SNX7: variants seen among roughly 807,000 people sequenced by gnomAD.
SNX7 encodes sorting nexin-7.
Under a neutral mutation model 48.4 loss-of-function variants are expected in SNX7, and 35 were observed. That is an observed-to-expected ratio of 0.72 (90% CI 0.55 to 0.96). The LOEUF is 0.96. Ranked by LOEUF, SNX7 falls within the 40% of genes least tolerant of loss-of-function variation. The pLI, the probability that SNX7 is intolerant of heterozygous loss-of-function variation, is 0.00. For synonymous variants in SNX7, 190 were observed against 190.2 expected (o/e 1.00, Z 0.01); for missense variants, 553 against 548.9 (o/e 1.01, Z -0.07).
At chr1:98,703,574 T>C (rs904548460) in intron 7 of SNX7, among the ~76,000 whole-genome samples, 1 of 152,046 alleles carries the variant, frequency 6.6e-6, no homozygotes, top group African/African-American at 2.4e-5. Flanking sequence ...AACTCATCTT[T>C]ATTATTTAGA....
chr1:98,678,058 T>C (rs1431642351), intron 1 of SNX7, among the ~76,000 whole-genome samples: 1 of 151,708 alleles, frequency 6.6e-6, no homozygotes, highest in Non-Finnish European at 1.5e-5. Context: ...AAGAAATACC[T>C]GAGGCTGGGT....
Position 98,695,612 on chromosome 1 carries a change from A to C in SNX7, c.734A>C (p.Asn245Thr). Residue 245 changes from asparagine (N) to threonine (T), a missense_variant, in exon 5 of 9, where the codon AAC becomes ACC. By Grantham distance (65) the Asn-to-Thr change is moderately conservative (BLOSUM62 0). Transcript: ENST00000306121. ...GCGTCCTCAATGAGAGGAGTTAAAA[A>C]CCGCCCAGAGGAGTTCATGGAAATG... is the stretch of plus-strand genomic sequence containing the variant. ...AVASSMRGVKNRPEEFMEMNN... is the reference protein window; with the variant it reads ...AVASSMRGVKTRPEEFMEMNN... 1 of 1,614,104 alleles carries C rather than the reference A, an allele frequency of 6.2e-7. No individual in the cohort carries two copies. The highest frequency in any genetic ancestry group is 8.5e-7 in the Non-Finnish European group (1 of 1,180,010).
chr1:98,711,992 A>T (rs943323865), intron 7 of SNX7, among the ~76,000 whole-genome samples: 2 of 152,204 alleles, frequency 1.3e-5, no homozygotes, highest in African/African-American at 4.8e-5. Context: ...TTCTTTGCTC[A>T]TCCATAAGAA....
At position 98,748,637 on chromosome 1, in the gene SNX7, A is replaced by AACACACACACACACACAC. The variant is rs58973289; in HGVS notation, c.1278+10267_1278+10284dup. Among the ~76,000 whole-genome samples the AACACACACACACACACAC allele has an allele frequency of 9.6e-5, 14 of 145,896 alleles. No individual in the cohort carries two copies. The East Asian group carries it at 1.6e-3, about 17-fold the overall frequency. ...GTATAGAAAAGGAAGAAATGATTTAAACACACACACACACACACACACACA... is the reference window on the plus strand; with the variant it reads ...GTATAGAAAAGGAAGAAATGATTTAAACACACACACACACACACACACACACACACACACACACACACA... On this transcript the variant is annotated intron_variant, in intron 8 of 8. Transcript: ENST00000306121.
At chr1:98,724,767 G>A (rs9730388) in intron 7 of SNX7, among the ~76,000 whole-genome samples, 43,823 of 152,008 alleles carry the variant, frequency 0.29, 6,833 homozygotes, top group Non-Finnish European at 0.34. Context: ...ATAAATTGCA[G>A]TGATTTAAAA....
intron 1 of SNX7, chr1:98,662,897 A>T: frequency 8.2e-7 from 1 of 1,219,390 alleles, no homozygotes. Flanking sequence ...GCATACTCTG[A>T]CTCCAAAGAG....
intron 8 of SNX7, among the ~76,000 whole-genome samples, chr1:98,752,540 C>A (rs1006072505): frequency 6.6e-6 from 1 of 151,928 alleles, no homozygotes. Context: ...GAATGGGGAT[C>A]GGGCTCTTAG....
chr1:98,674,351 T>C (rs1042191745), intron 1 of SNX7, among the ~76,000 whole-genome samples: 3 of 151,958 alleles, frequency 2.0e-5, no homozygotes, highest in African/African-American at 7.3e-5. Context: ...GTCAGCAGAG[T>C]TGGTTCCTTC....
chr1:98,716,157 C>G (rs1266958137), intron 7 of SNX7, among the ~76,000 whole-genome samples: 1 of 152,128 alleles, frequency 6.6e-6, no homozygotes, highest in Non-Finnish European at 1.5e-5. Flanking sequence ...TAGCCCAAGT[C>G]ATCTTTCCTA....
rs533261252 is a variant in SNX7 at position 98,691,778 on chromosome 1, C to T, written c.639+79C>T. The T allele has an allele frequency of 7.6e-4, 908 of 1,189,502 alleles. 3 individuals are homozygous for T. Among genetic ancestry groups the T allele is most frequent in the South Asian group, 4.6e-3 (218 of 46,972 alleles). 73.7% of individuals were successfully genotyped at this position (1,189,502 alleles called of 1,614,324 possible). Reference sequence around the variant, plus strand: ...AGATTGTATTGTTCCTCTTGTTTACCGTTACAAATCATGCAGTGGTGTACT... The same window carrying T: ...AGATTGTATTGTTCCTCTTGTTTACTGTTACAAATCATGCAGTGGTGTACT... On this transcript the variant is annotated intron_variant, in intron 4 of 8. Transcript: ENST00000306121.
At chr1:98,724,065 A>G (rs1267874952) in intron 7 of SNX7, among the ~76,000 whole-genome samples, 1 of 152,022 alleles carries the variant, frequency 6.6e-6, no homozygotes, top group Non-Finnish European at 1.5e-5. Flanking sequence ...AATGTTTGCT[A>G]TAGTTTTTTA....
chr1:98,672,570 A>T (rs906824292), intron 1 of SNX7, among the ~76,000 whole-genome samples: 1 of 151,802 alleles, frequency 6.6e-6, no homozygotes, highest in African/African-American at 2.4e-5. Flanking sequence ...CTGAATGAAT[A>T]AAACCAAATT....
intron 7 of SNX7, among the ~76,000 whole-genome samples, chr1:98,735,439 AC>A (rs1484606254): frequency 1.3e-5 from 2 of 152,170 alleles, no homozygotes; most frequent in Non-Finnish European, 2.9e-5. Flanking sequence ...TGATATAGTC[AC>A]CAAAAAATGA....
At chr1:98,732,965 G>A (rs116003010) in intron 7 of SNX7, among the ~76,000 whole-genome samples, 3 of 151,926 alleles carry the variant, frequency 2.0e-5, no homozygotes, top group Non-Finnish European at 2.9e-5. Context: ...GGTCTGCTTC[G>A]GTGCAACTGG....
chr1:98,692,363 G>A (rs1276637856), intron 4 of SNX7, among the ~76,000 whole-genome samples: 1 of 152,060 alleles, frequency 6.6e-6, no homozygotes, highest in East Asian at 1.9e-4. Flanking sequence ...AAGATGAATT[G>A]TCAGTCTGAA....
chr1:98,689,705 A>G (rs1444498525), intron 2 of SNX7, among the ~76,000 whole-genome samples: 2 of 152,182 alleles, frequency 1.3e-5, no homozygotes, highest in Non-Finnish European at 2.9e-5. Flanking sequence ...GATGCTCAGT[A>G]ATATTTTTTA....
intron 1 of SNX7, among the ~76,000 whole-genome samples, chr1:98,684,170 TTTTCTCTGC>T (rs1650656778): frequency 6.6e-6 from 1 of 152,218 alleles, no homozygotes; most frequent in Non-Finnish European, 1.5e-5. Flanking sequence ...TACTTTTCAG[TTTTCTCTGC>T]ACTGCTATTT....
intron 1 of SNX7, among the ~76,000 whole-genome samples, chr1:98,674,815 G>C (rs1364474126): frequency 6.6e-6 from 1 of 152,070 alleles, no homozygotes; most frequent in Non-Finnish European, 1.5e-5. Flanking sequence ...TTGGAGTAAG[G>C]ATAAAAGACC....
intron 4 of SNX7, among the ~76,000 whole-genome samples, chr1:98,692,356 A>T (rs1651186330): frequency 6.6e-6 from 1 of 152,158 alleles, no homozygotes; most frequent in Non-Finnish European, 1.5e-5. Context: ...TGTTTACAAG[A>T]TGAATTGTCA....
Sources: allele counts gnomAD v4.1 joint callset (sites outside exome capture counted in the v4.1 genomes callset), GRCh38; gene constraint gnomAD v4.1.1; transcripts MANE v1.5; gene names NCBI Gene and HGNC (gene_info 2026-07-23, HGNC 2026-07-21).